Variants in CNTN1 observed in about 807,000 individuals in gnomAD.
The protein encoded by CNTN1 is contactin-1.
A neutral mutation model predicts 126.4 loss-of-function variants in CNTN1; 38 were observed. The observed-to-expected ratio is 0.30, with a 90% CI of 0.23 to 0.39. The LOEUF is 0.39. Among genes scored for constraint, CNTN1 ranks in the 10% least tolerant of loss-of-function variants. CNTN1 has a pLI of 1.00. For missense variants in CNTN1, 1,009 were observed against 1,248.4 expected, an observed-to-expected ratio of 0.81 and a Z score of 2.89; for synonymous variants, 413 against 422.6, an observed-to-expected ratio of 0.98 and a Z score of 0.28.
chr12:40,695,182 G>A (rs1387653084), intron 1 of CNTN1, among the ~76,000 whole-genome samples: 1 of 152,184 alleles, frequency 6.6e-6, no homozygotes, highest in Non-Finnish European at 1.5e-5. Flanking sequence ...ATTGAACACA[G>A]TCCTATAATA....
chr12:40,753,492 C>T (rs540231915), intron 1 of CNTN1, among the ~76,000 whole-genome samples: 6 of 152,008 alleles, frequency 3.9e-5, no homozygotes, highest in Admixed American at 6.6e-5. Flanking sequence ...ACAATCATGG[C>T]GGAAGGGGAA....
chr12:41,001,369 T>A (rs1393671546), intron 17 of CNTN1, among the ~76,000 whole-genome samples: 1 of 152,232 alleles, frequency 6.6e-6, no homozygotes, highest in East Asian at 1.9e-4. Context: ...GTGGAGCTTT[T>A]TTCATATGAT....
At chr12:40,889,518 T>C (rs181411961) in intron 1 of CNTN1, among the ~76,000 whole-genome samples, 5 of 152,316 alleles carry the variant, frequency 3.3e-5, no homozygotes, top group Admixed American at 3.3e-4. Context: ...ATTTAAAAAC[T>C]GTTTACTAAG....
At chr12:40,796,087 G>A (rs1484685558) in intron 1 of CNTN1, among the ~76,000 whole-genome samples, 1 of 152,014 alleles carries the variant, frequency 6.6e-6, no homozygotes, top group Non-Finnish European at 1.5e-5. Context: ...TCGATGACCA[G>A]TGAACAATGT....
At chr12:41,020,474 A>G in intron 20 of CNTN1, 34 bp downstream of exon 20, 1 of 1,306,068 alleles carries the variant, frequency 7.7e-7, no homozygotes, top group South Asian at 1.2e-5. Flanking sequence ...AAATACATTT[A>G]TTCATAAATA....
At position 40,926,941 on chromosome 12, in the gene CNTN1, G is replaced by A. The variant is rs1945713034; in HGVS notation, c.496+2289G>A. On this transcript the variant is annotated intron_variant, in intron 6 of 23. Transcript: ENST00000551295. ...GAATGAAGTTGCCATTACTTCAGCT[G>A]AAGGAATAGATGTGGACATGTTAAA... is the stretch of plus-strand genomic sequence containing the variant. 2.0e-5 allele frequency among the ~76,000 whole-genome samples: 3 copies of A among 152,116 alleles called. No homozygotes were observed. In the South Asian group the frequency reaches 6.2e-4, roughly 32 times the overall value.
At chr12:40,987,469 C>G (rs760141214) in intron 16 of CNTN1, among the ~76,000 whole-genome samples, 2 of 152,058 alleles carry the variant, frequency 1.3e-5, no homozygotes, top group Non-Finnish European at 2.9e-5. Flanking sequence ...TGATTCTATG[C>G]TGTTGTTTTC....
chr12:40,846,599 A>G (rs1942512412), intron 1 of CNTN1, among the ~76,000 whole-genome samples: 1 of 152,234 alleles, frequency 6.6e-6, no homozygotes, highest in Non-Finnish European at 1.5e-5. Context: ...GCTCCTGCTC[A>G]TTCATCTCAT....
At chr12:40,937,437 C>T (rs1592284635) in intron 10 of CNTN1, 133 bp from the exon 11 acceptor site, 4 of 697,438 alleles carry the variant, frequency 5.7e-6, no homozygotes, top group South Asian at 4.6e-5. Context: ...AAATCCCACT[C>T]AGTTCATCTT....
At chr12:40,978,346 G>C (rs1566079909) in intron 15 of CNTN1, among the ~76,000 whole-genome samples, 1 of 146,754 alleles carries the variant, frequency 6.8e-6, no homozygotes, top group Admixed American at 6.7e-5. Context: ...CTTCATATCA[G>C]TGGAACCATT....
At chr12:40,917,844 C>G (rs114263605) in intron 3 of CNTN1, among the ~76,000 whole-genome samples, 1 of 152,240 alleles carries the variant, frequency 6.6e-6, no homozygotes, top group African/African-American at 2.4e-5. Flanking sequence ...CTTCTCAACA[C>G]GGCTGTTTGT....
chr12:40,863,982 CCTTCTG>C, intron 1 of CNTN1, among the ~76,000 whole-genome samples: 1 of 134,880 alleles, frequency 7.4e-6, no homozygotes, highest in African/African-American at 2.7e-5. Flanking sequence ...TTCTCCTTCT[CCTTCTG>C]CTTCCCTTCC....
chr12:40,939,193 C>T, intron 11 of CNTN1, 142 bp from the exon 12 acceptor site: 1 of 808,310 alleles, frequency 1.2e-6, no homozygotes, highest in East Asian at 2.7e-5. Flanking sequence ...GTATAGAATG[C>T]CTATTGGTGA....
Position 41,071,163 on chromosome 12 carries a change from A to G in CNTN1, c.*1128A>G, listed in dbSNP as rs971120034. 2.6e-5 allele frequency: 4 copies of G among 152,094 alleles called. No homozygotes were observed. Among genetic ancestry groups the G allele is most frequent in the African/African-American group, 9.7e-5 (4 of 41,434 alleles). The allele number at this position is 152,094 out of a possible 1,614,324, so 9.4% of individuals were successfully genotyped here. A position where few individuals can be genotyped will look rare whatever the true frequency, so the allele number is the denominator to read the frequency against. ...ACTGAAAACTGGCTAAAAATACCAA[A>G]TCAATATACTGCTAATGGTACTTTG... On this transcript the variant is annotated 3_prime_UTR_variant, in exon 24 of 24. Transcript: ENST00000551295.
chr12:40,848,398 T>C (rs1942595579), intron 1 of CNTN1, among the ~76,000 whole-genome samples: 1 of 152,226 alleles, frequency 6.6e-6, no homozygotes, highest in African/African-American at 2.4e-5. Flanking sequence ...TTACCTCATT[T>C]ATTATTGTGT....
intron 14 of CNTN1, among the ~76,000 whole-genome samples, chr12:40,950,799 T>C (rs1444269308): frequency 6.6e-6 from 1 of 152,120 alleles, no homozygotes; most frequent in Admixed American, 6.6e-5. Context: ...GCTAGCTTCT[T>C]TTAAGATCAT....
chr12:40,942,167 A>T (rs1447404223), intron 12 of CNTN1, among the ~76,000 whole-genome samples: 1 of 152,094 alleles, frequency 6.6e-6, no homozygotes, highest in East Asian at 1.9e-4. Context: ...TTGGCTGAGG[A>T]TTTATACTAG....
intron 1 of CNTN1, among the ~76,000 whole-genome samples, chr12:40,871,602 A>T (rs1943497469): frequency 6.6e-6 from 1 of 152,180 alleles, no homozygotes; most frequent in African/African-American, 2.4e-5. Context: ...AGCGAATGTT[A>T]GTTTCATTCT....
chr12:40,955,971 A>G (rs928999011), intron 14 of CNTN1, among the ~76,000 whole-genome samples: 3 of 152,172 alleles, frequency 2.0e-5, no homozygotes, highest in Middle Eastern at 3.4e-3. Flanking sequence ...GCTGGGGCAC[A>G]GGAGTTAGGT....
Sources: gnomAD v4.1 joint callset for allele counts (sites outside exome capture counted in the v4.1 genomes callset) on GRCh38, gnomAD v4.1.1 for gene constraint, MANE v1.5 for transcripts, NCBI Gene and HGNC (gene_info 2026-07-23, HGNC 2026-07-21) for gene names.